Variants in ANKS1B observed in about 807,000 individuals in gnomAD.
The protein encoded by ANKS1B is ankyrin repeat and sterile alpha motif domain containing 1B.
A neutral mutation model predicts 148.3 loss-of-function variants in ANKS1B; 36 were observed. The observed-to-expected ratio is 0.24, with a 90% CI of 0.19 to 0.32. The LOEUF (loss-of-function observed/expected upper bound fraction) is 0.32, where lower values mean the gene tolerates loss of function less well. ANKS1B is among the 10% of genes least tolerant of loss of function. The pLI is 1.00. For missense variants in ANKS1B, 1,157 were observed against 1,542.6 expected, an observed-to-expected ratio of 0.75 and a Z score of 4.19; for synonymous variants, 542 against 560.8, an observed-to-expected ratio of 0.97 and a Z score of 0.47.
intron 8 of ANKS1B, among the ~76,000 whole-genome samples, chr12:99,669,067 A>G (rs1418154120): frequency 1.3e-5 from 2 of 152,134 alleles, no homozygotes; most frequent in Admixed American, 6.5e-5. Context: ...TATAGCAAAT[A>G]TTTTATTCTC....
intron 10 of ANKS1B, among the ~76,000 whole-genome samples, chr12:99,476,615 A>G (rs1161602262): frequency 6.6e-6 from 1 of 152,188 alleles, no homozygotes; most frequent in Non-Finnish European, 1.5e-5. Flanking sequence ...GCTTGAACTA[A>G]TAGTAGCTGA....
chr12:99,648,332 T>A, intron 9 of ANKS1B: 1 of 1,614,138 alleles, frequency 6.2e-7, no homozygotes, highest in Non-Finnish European at 8.5e-7. Flanking sequence ...TTTATCCAGA[T>A]CAGCAAAAGA....
intron 9 of ANKS1B, among the ~76,000 whole-genome samples, chr12:99,653,516 A>G (rs2098435210): frequency 6.6e-6 from 1 of 152,184 alleles, no homozygotes; most frequent in Non-Finnish European, 1.5e-5. Flanking sequence ...GTAAAAAACT[A>G]TATGTAAAAA....
chr12:99,282,088 A>G (rs901694953), intron 12 of ANKS1B, among the ~76,000 whole-genome samples: 1 of 152,196 alleles, frequency 6.6e-6, no homozygotes, highest in Non-Finnish European at 1.5e-5. Context: ...ATAGAAGGTA[A>G]GGAAGATGGG....
At chr12:99,526,402 C>T (rs567998226) in intron 9 of ANKS1B, among the ~76,000 whole-genome samples, 7 of 152,228 alleles carry the variant, frequency 4.6e-5, no homozygotes, top group African/African-American at 1.7e-4. Flanking sequence ...CTGTAAAGCA[C>T]CATTTACAGG....
intron 12 of ANKS1B, among the ~76,000 whole-genome samples, chr12:99,359,106 A>C (rs2092281821): frequency 6.6e-6 from 1 of 152,192 alleles, no homozygotes; most frequent in Admixed American, 6.6e-5. Flanking sequence ...AAATTCTTTT[A>C]AATATATTTC....
At chr12:99,644,001 C>G (rs1175783777) in intron 9 of ANKS1B, among the ~76,000 whole-genome samples, 1 of 152,212 alleles carries the variant, frequency 6.6e-6, no homozygotes, top group Non-Finnish European at 1.5e-5. Flanking sequence ...TTCCAACCAT[C>G]AAGTCCTGGT....
intron 16 of ANKS1B, among the ~76,000 whole-genome samples, chr12:99,071,709 G>A (rs1333087027): frequency 7.9e-5 from 12 of 151,198 alleles, no homozygotes; most frequent in East Asian, 5.8e-4. Context: ...GTGCAGTGGC[G>A]GGATCTTGGC....
chr12:99,286,791 C>T (rs1277957674), intron 12 of ANKS1B, among the ~76,000 whole-genome samples: 1 of 152,124 alleles, frequency 6.6e-6, no homozygotes, highest in Admixed American at 6.5e-5. Context: ...GAGCCTAGAA[C>T]AGTGGTGGCC....
intron 17 of ANKS1B, among the ~76,000 whole-genome samples, chr12:98,915,910 A>G (rs1685627976): frequency 6.6e-6 from 1 of 152,144 alleles, no homozygotes; most frequent in Admixed American, 6.5e-5. Flanking sequence ...CCACATCTGG[A>G]TGCCACGTCA....
intron 17 of ANKS1B, among the ~76,000 whole-genome samples, chr12:98,881,648 A>G (rs939819980): frequency 2.0e-5 from 3 of 152,170 alleles, no homozygotes; most frequent in Non-Finnish European, 4.4e-5. Context: ...CTAATATTAT[A>G]TATTGTGATA....
Position 98,962,803 on chromosome 12 carries a change from T to C in ANKS1B, c.2778+90354A>G, listed in dbSNP as rs147447582. On this transcript the variant is annotated intron_variant, in intron 17 of 26. Coordinates refer to ENST00000683438, the MANE Select transcript of ANKS1B (RefSeq NM_001352186.2). ...CAGTATCAAGAGGAATTTTGGAAAA[T>C]ATAAAAACACACGGAAATTAAATAG... Among the ~76,000 whole-genome samples, 387 of 152,104 alleles carry C rather than the reference T, an allele frequency of 2.5e-3. 10 individuals are homozygous for C. The East Asian group carries it at 0.044, about 17-fold the overall frequency.
intron 9 of ANKS1B, among the ~76,000 whole-genome samples, chr12:99,615,077 G>A (rs776748851): frequency 1.4e-4 from 22 of 152,142 alleles, no homozygotes; most frequent in Middle Eastern, 3.4e-3. Context: ...TAAAAACTAT[G>A]GGAAATTTTG....
chr12:98,797,519 C>T (rs1309014656), intron 22 of ANKS1B, among the ~76,000 whole-genome samples: 4 of 152,144 alleles, frequency 2.6e-5, no homozygotes, highest in South Asian at 2.1e-4. Context: ...TAACCAGCCA[C>T]GGAACTAAAA....
chr12:99,926,002 G>A (rs1443035395), intron 1 of ANKS1B, among the ~76,000 whole-genome samples: 1 of 152,062 alleles, frequency 6.6e-6, no homozygotes, highest in African/African-American at 2.4e-5. Context: ...TAGGCCAGTG[G>A]GCCCCAGATT....
At chr12:98,875,112 C>T (rs2099684853) in intron 17 of ANKS1B, among the ~76,000 whole-genome samples, 1 of 152,198 alleles carries the variant, frequency 6.6e-6, no homozygotes, top group Admixed American at 6.5e-5. Flanking sequence ...AGACTTTGCC[C>T]TCTTATTCAT....
Position 99,601,402 on chromosome 12 carries a change from G to GA in ANKS1B, c.1272+53664dup, listed in dbSNP as rs954271306. On this transcript the variant is annotated intron_variant, in intron 9 of 26. Transcript: ENST00000683438. ...TTATCTCAAATTTTAACATTGCCTG[G>GA]AAAAAAACAGATGACATTGTAGCTT... is the stretch of plus-strand genomic sequence containing the variant. 1.3e-5 allele frequency among the ~76,000 whole-genome samples: 2 copies of GA among 151,752 alleles called. 1 individual carries two copies. The highest frequency in any genetic ancestry group is 2.9e-5 in the Non-Finnish European group (2 of 67,902).
intron 26 of ANKS1B, among the ~76,000 whole-genome samples, chr12:98,750,828 A>G (rs1476223533): frequency 6.6e-6 from 1 of 152,246 alleles, no homozygotes; most frequent in East Asian, 1.9e-4. Context: ...AACAGGCACC[A>G]TGCCGCAGGA....
At chr12:98,869,669 T>C (rs1368275671) in intron 17 of ANKS1B, among the ~76,000 whole-genome samples, 1 of 46,264 alleles carries the variant, frequency 2.2e-5, no homozygotes, top group African/African-American at 1.5e-4. Flanking sequence ...CACAAAATTG[T>C]GTGTGGAATG....
Sources: gnomAD v4.1 joint callset for allele counts (sites outside exome capture counted in the v4.1 genomes callset) on GRCh38, gnomAD v4.1.1 for gene constraint, MANE v1.5 for transcripts, NCBI Gene and HGNC (gene_info 2026-07-23, HGNC 2026-07-21) for gene names.